Variants in BMP5 observed in about 807,000 individuals in gnomAD.
BMP5 encodes the protein bone morphogenetic protein 5.
Under a neutral mutation model 46.6 loss-of-function variants are expected in BMP5, and 23 were observed. The observed-to-expected ratio is 0.49, with a 90% CI of 0.35 to 0.70. BMP5 has a LOEUF of 0.70. Ranked by LOEUF, BMP5 falls within the 30% of genes least tolerant of loss-of-function variation. The pLI is 0.00. For synonymous variants in BMP5, 204 were observed against 191.9 expected (o/e 1.06, Z -0.52); for missense variants, 545 against 565.6 (o/e 0.96, Z 0.37).
chr6:55,774,127 C>G lies in BMP5; in HGVS notation c.949G>C (p.Ala317Pro). ...TTTTGATTTTTTCGTTTGTTGGCTG[C>G]TCTCACGGATCGAAGAAGTACCTCA... The part of the protein sequence containing the change: ...ASEVLLRSVR[A>P]ANKRKNQNRN... Residue 317 changes from alanine to proline, a missense_variant, in exon 4 of 7, where the codon GCA becomes CCA. Ala to Pro is a conservative substitution (Grantham distance 27). Coordinates refer to ENST00000370830, the MANE Select transcript of BMP5 (RefSeq NM_021073.4). 2 of 1,613,156 alleles carry G rather than the reference C, an allele frequency of 1.2e-6. No homozygotes were observed. Among genetic ancestry groups the G allele is most frequent in the Non-Finnish European group, 1.7e-6 (2 of 1,179,480 alleles).
At chr6:55,799,669 T>C (rs1252692032) in intron 2 of BMP5, among the ~76,000 whole-genome samples, 2 of 152,180 alleles carry the variant, frequency 1.3e-5, no homozygotes, top group African/African-American at 4.8e-5. Flanking sequence ...TGCCTTTAGG[T>C]CAAACAACCT....
At chr6:55,764,500 G>C (rs1774870544) in intron 4 of BMP5, among the ~76,000 whole-genome samples, 1 of 151,316 alleles carries the variant, frequency 6.6e-6, no homozygotes, top group African/African-American at 2.4e-5. Context: ...GTGAACCCGG[G>C]AGGCGGAGCT....
chr6:55,834,121 A>C (rs1027019459), intron 1 of BMP5, among the ~76,000 whole-genome samples: 2 of 152,104 alleles, frequency 1.3e-5, no homozygotes, highest in Non-Finnish European at 2.9e-5. Context: ...CAATCACCTA[A>C]TTACCCTCTG....
intron 1 of BMP5, among the ~76,000 whole-genome samples, chr6:55,841,600 G>GTGTT (rs60374008): frequency 0.4 from 59,845 of 150,620 alleles, 11,962 homozygotes; most frequent in African/African-American, 0.44. Flanking sequence ...TCTGGTGGTG[G>GTGTT]TGTTTGTTTG....
intron 1 of BMP5, among the ~76,000 whole-genome samples, chr6:55,863,522 T>TA (rs2127554268): frequency 6.6e-6 from 1 of 152,260 alleles, no homozygotes; most frequent in East Asian, 1.9e-4. Context: ...AAATAACGCA[T>TA]AAAAATCACA....
At chr6:55,834,133 G>A (rs1349328924) in intron 1 of BMP5, among the ~76,000 whole-genome samples, 1 of 152,064 alleles carries the variant, frequency 6.6e-6, no homozygotes, top group Admixed American at 6.6e-5. Flanking sequence ...TACCCTCTGA[G>A]GTGGCTTGAT....
rs1774530566 is a variant in BMP5, at chr6:55,754,510, A to C, written c.*1023T>G. On this transcript the variant is annotated 3_prime_UTR_variant, in exon 7 of 7. Coordinates refer to ENST00000370830, the MANE Select transcript of BMP5 (RefSeq NM_021073.4). The stretch of plus-strand genomic sequence containing the variant: ...TCAAAGCCATTCTGGGACTTTTGGT[A>C]ATTTCCTCCAGTTTAGTTTCAGTGC... 1 of 151,964 alleles carries C rather than the reference A, an allele frequency of 6.6e-6. No homozygotes were observed. Among genetic ancestry groups the C allele is most frequent in the South Asian group, 2.1e-4 (1 of 4,838 alleles). The allele number at this position is 151,964 out of a possible 1,614,324, so 9.4% of individuals were successfully genotyped here.
intron 1 of BMP5, among the ~76,000 whole-genome samples, chr6:55,833,759 A>G (rs1237874566): frequency 6.6e-6 from 1 of 152,186 alleles, no homozygotes; most frequent in African/African-American, 2.4e-5. Context: ...CACAGAAACT[A>G]AAGGATATAG....
intron 2 of BMP5, among the ~76,000 whole-genome samples, chr6:55,801,243 C>T (rs1775842323): frequency 6.6e-6 from 1 of 152,208 alleles, no homozygotes; most frequent in African/African-American, 2.4e-5. Flanking sequence ...TAGAAGACTA[C>T]CTTGTGGTCA....
rs200889693 is a variant in BMP5, at chr6:55,802,804, CT to C, written c.684-8378del. 9.3e-3 allele frequency among the ~76,000 whole-genome samples: 1,391 copies of C among 150,256 alleles called. 24 individuals carry two copies. The highest frequency in any genetic ancestry group is 0.033 in the African/African-American group (1,331 of 40,786). ...CCTACCTAATATATATTAAATAATTCTTTTTTTCCCCTTTTCTTCCCCATCT... is the reference window on the plus strand; with the variant it reads ...CCTACCTAATATATATTAAATAATTCTTTTTTCCCCTTTTCTTCCCCATCT... On this transcript the variant is annotated intron_variant, in intron 2 of 6. Transcript: ENST00000370830.
chr6:55,856,876 G>A (rs1369372791), intron 1 of BMP5, among the ~76,000 whole-genome samples: 2 of 151,944 alleles, frequency 1.3e-5, no homozygotes, highest in African/African-American at 4.8e-5. Flanking sequence ...TGTGTGTGTA[G>A]GCTATTATGC....
intron 1 of BMP5, among the ~76,000 whole-genome samples, chr6:55,865,627 A>C (rs778692373): frequency 6.6e-6 from 1 of 152,192 alleles, no homozygotes; most frequent in South Asian, 2.1e-4. Context: ...AATTATGTGC[A>C]TAATGTTTCA....
At chr6:55,797,907 C>T (rs865936660) in intron 2 of BMP5, among the ~76,000 whole-genome samples, 1 of 152,086 alleles carries the variant, frequency 6.6e-6, no homozygotes, top group East Asian at 1.9e-4. Context: ...TGAGCCACTG[C>T]GTGTGATTGT....
At chr6:55,851,641 T>C (rs751787861) in intron 1 of BMP5, among the ~76,000 whole-genome samples, 8 of 152,234 alleles carry the variant, frequency 5.3e-5, no homozygotes, top group Non-Finnish European at 8.8e-5. Flanking sequence ...AACAAAACTT[T>C]ATAGCATGAT....
At chr6:55,794,851 G>A (rs892011557) in intron 2 of BMP5, among the ~76,000 whole-genome samples, 3 of 152,148 alleles carry the variant, frequency 2.0e-5, no homozygotes, top group African/African-American at 7.2e-5. Flanking sequence ...CAGGCAGGAT[G>A]TAATGCAATC....
At position 55,861,963 on chromosome 6, in the gene BMP5, T is replaced by C. The variant is rs370367344; in HGVS notation, c.490+12413A>G. Reference sequence around the variant, plus strand: ...AAAGGACTTCAGGGTCTCAATTTCTTCATCTATAAAACTGAGTGACTTTAT... The same window carrying C: ...AAAGGACTTCAGGGTCTCAATTTCTCCATCTATAAAACTGAGTGACTTTAT... On this transcript the variant is annotated intron_variant, in intron 1 of 6. Transcript: ENST00000370830. 3.9e-5 allele frequency among the ~76,000 whole-genome samples: 6 copies of C among 152,232 alleles called. No individual in the cohort carries two copies. The East Asian group carries it at 1.2e-3, about 29-fold the overall frequency.
At chr6:55,832,552 G>A (rs1776690715) in intron 1 of BMP5, among the ~76,000 whole-genome samples, 2 of 152,148 alleles carry the variant, frequency 1.3e-5, no homozygotes, top group Middle Eastern at 3.4e-3. Context: ...AATAGTAATT[G>A]GTTTTACATG....
intron 1 of BMP5, among the ~76,000 whole-genome samples, chr6:55,851,788 AC>A (rs1475857376): frequency 1.3e-5 from 2 of 152,280 alleles, no homozygotes; most frequent in East Asian, 3.9e-4. Context: ...CATAGAAAGC[AC>A]CTGATAATAA....
At chr6:55,787,287 A>G (rs1420233352) in intron 3 of BMP5, among the ~76,000 whole-genome samples, 5 of 151,744 alleles carry the variant, frequency 3.3e-5, no homozygotes, top group African/African-American at 1.2e-4. Context: ...TCTAGGACTT[A>G]CTAAATTTAA....
Sources: gnomAD v4.1 joint callset for allele counts (sites outside exome capture counted in the v4.1 genomes callset) on GRCh38, gnomAD v4.1.1 for gene constraint, MANE v1.5 for transcripts, NCBI Gene and HGNC (gene_info 2026-07-23, HGNC 2026-07-21) for gene names.